MAGI3: variants seen among roughly 807,000 people sequenced by gnomAD.
The protein encoded by MAGI3 is membrane-associated guanylate kinase, WW and PDZ domain-containing protein 3.
In MAGI3, 43 loss-of-function variants were observed where a neutral mutation model predicts 121.8. The ratio of observed to expected loss-of-function variants is 0.35; its 90% confidence interval spans 0.28 to 0.46. The LOEUF is 0.46. Ranked by LOEUF, MAGI3 falls within the 20% of genes least tolerant of loss-of-function variation. The probability of loss-of-function intolerance (pLI) is 1.00; values close to 1 mark genes in which losing one functional copy is unlikely to be tolerated. For synonymous variants in MAGI3, 553 were observed against 639.3 expected, an observed-to-expected ratio of 0.86 and a Z score of 2.04; for missense variants, 1,547 against 1,797.3, an observed-to-expected ratio of 0.86 and a Z score of 2.52.
intron 1 of MAGI3, among the ~76,000 whole-genome samples, chr1:113,483,446 C>G (rs547352270): frequency 1.3e-5 from 2 of 152,292 alleles, no homozygotes; most frequent in East Asian, 1.9e-4. Flanking sequence ...TGATTTCTCT[C>G]TCTGTCCTCT....
At chr1:113,399,906 G>C (rs1229627394) in intron 1 of MAGI3, among the ~76,000 whole-genome samples, 3 of 151,984 alleles carry the variant, frequency 2.0e-5, no homozygotes, top group Non-Finnish European at 2.9e-5. Context: ...TTAAAACAAT[G>C]GTCTTTTTAA....
At chr1:113,528,415 C>A (rs1355772090) in intron 1 of MAGI3, among the ~76,000 whole-genome samples, 1 of 151,710 alleles carries the variant, frequency 6.6e-6, no homozygotes, top group Non-Finnish European at 1.5e-5. Flanking sequence ...TTTGTAATTC[C>A]TATAAACTGG....
At chr1:113,557,719 C>T (rs958390053) in intron 2 of MAGI3, among the ~76,000 whole-genome samples, 3 of 152,184 alleles carry the variant, frequency 2.0e-5, no homozygotes, top group African/African-American at 7.2e-5. Flanking sequence ...AACTCCTTTA[C>T]CAAAAAGCAG....
chr1:113,555,804 G>A (rs1659965465), intron 2 of MAGI3, among the ~76,000 whole-genome samples: 1 of 152,084 alleles, frequency 6.6e-6, no homozygotes, highest in Admixed American at 6.6e-5. Context: ...TCGAGAGGCT[G>A]AGGCAGGAGG....
chr1:113,406,066 A>AT (rs940536725), intron 1 of MAGI3, among the ~76,000 whole-genome samples: 7 of 151,962 alleles, frequency 4.6e-5, no homozygotes, highest in Non-Finnish European at 8.8e-5. Flanking sequence ...TTTACTTTTA[A>AT]TTTGGTGCCC....
At chr1:113,578,303 T>A (rs2101715740) in intron 2 of MAGI3, among the ~76,000 whole-genome samples, 1 of 152,330 alleles carries the variant, frequency 6.6e-6, no homozygotes, top group South Asian at 2.1e-4. Flanking sequence ...CCAGTCCAAA[T>A]TCAAGGGATG....
intron 6 of MAGI3, among the ~76,000 whole-genome samples, chr1:113,612,474 A>T (rs1650215912): frequency 9.3e-3 from 1 of 108 alleles, no homozygotes; most frequent in African/African-American, 0.056. Context: ...GGAGGAAGGA[A>T]AAAAGAATAA....
chr1:113,662,593 A>T (rs1243753895), intron 16 of MAGI3, among the ~76,000 whole-genome samples: 1 of 152,048 alleles, frequency 6.6e-6, no homozygotes, highest in African/African-American at 2.4e-5. Context: ...TTTTGTTTTC[A>T]GTTGATTTAT....
At chr1:113,538,759 T>C (rs992186117) in intron 1 of MAGI3, among the ~76,000 whole-genome samples, 1 of 152,182 alleles carries the variant, frequency 6.6e-6, no homozygotes, top group Non-Finnish European at 1.5e-5. Context: ...TTTTCAAACA[T>C]AGGTTTTAGT....
intron 1 of MAGI3, among the ~76,000 whole-genome samples, chr1:113,531,711 G>T (rs926425474): frequency 7.6e-6 from 1 of 131,338 alleles, no homozygotes; most frequent in Non-Finnish European, 1.6e-5. Flanking sequence ...GTGGTATTGC[G>T]GGGGGTGGGG....
intron 1 of MAGI3, among the ~76,000 whole-genome samples, chr1:113,490,882 T>C (rs1235505228): frequency 2.0e-5 from 3 of 152,186 alleles, no homozygotes; most frequent in Admixed American, 2.0e-4. Flanking sequence ...CTCAGATTCA[T>C]AAAGCAAGTT....
rs1242845823 is a variant in MAGI3, at chr1:113,613,732, A to T, written c.1019-869A>T. On this transcript the variant is annotated intron_variant, in intron 6 of 20. Coordinates refer to ENST00000307546, the MANE Select transcript of MAGI3 (RefSeq NM_001142782.2). Reference sequence around the variant, plus strand: ...TTTGCTCAACTGCTATATAAAATGGATAGGACTAGAACCACCTGCTAGGAA... The same window carrying T: ...TTTGCTCAACTGCTATATAAAATGGTTAGGACTAGAACCACCTGCTAGGAA... Among the ~76,000 whole-genome samples the T allele has an allele frequency of 3.9e-5, 6 of 152,286 alleles. No individual in the cohort carries two copies. The South Asian group carries it at 1.2e-3, about 32-fold the overall frequency.
intron 2 of MAGI3, among the ~76,000 whole-genome samples, chr1:113,578,597 T>A (rs536471463): frequency 1.5e-3 from 223 of 152,178 alleles, no homozygotes; most frequent in African/African-American, 5.2e-3. Flanking sequence ...ATTTTAAAAA[T>A]TTTTTTATAG....
Position 113,683,599 on chromosome 1 carries a change from A to G in MAGI3, c.4031A>G (p.Asn1344Ser), listed in dbSNP as rs375960843. ...SDVIRKDAKQNQLEKSRTRSP... is the reference protein window; with the variant it reads ...SDVIRKDAKQSQLEKSRTRSP... ...GTCATCAGGAAAGATGCAAAGCAGA[A>G]TCAGTTGGAAAAAAGCAGAACAAGG... is the stretch of plus-strand genomic sequence containing the variant. The change falls in exon 21 of 21, where the codon AAT (asparagine) becomes AGT (serine). Residue 1344 changes from asparagine to serine, a missense_variant. By Grantham distance (46) the Asn-to-Ser change is conservative (BLOSUM62 1). Coordinates refer to ENST00000307546, the MANE Select transcript of MAGI3 (RefSeq NM_001142782.2). The G allele has an allele frequency of 1.2e-6, 2 of 1,613,826 alleles. No homozygotes were observed. The highest frequency in any genetic ancestry group is 1.7e-6 in the Non-Finnish European group (2 of 1,179,900).
chr1:113,584,033 A>G (rs543815702), intron 3 of MAGI3, among the ~76,000 whole-genome samples: 71 of 152,206 alleles, frequency 4.7e-4, no homozygotes, highest in Non-Finnish European at 9.8e-4. Flanking sequence ...TTGTCTCAGC[A>G]TTATGGGGAA....
intron 4 of MAGI3, 114 bp from the exon 5 acceptor site, chr1:113,590,370 C>A: frequency 1.0e-6 from 1 of 980,784 alleles, no homozygotes; most frequent in Non-Finnish European, 1.5e-6. Flanking sequence ...ACATAATAGA[C>A]AAGAAATTTG....
At chr1:113,394,732 G>A (rs1023458678) in intron 1 of MAGI3, among the ~76,000 whole-genome samples, 3 of 151,912 alleles carry the variant, frequency 2.0e-5, no homozygotes, top group Non-Finnish European at 2.9e-5. Flanking sequence ...ATTAAGTATC[G>A]GTACAATAAA....
chr1:113,521,352 C>T lies in MAGI3; in HGVS notation c.317-28163C>T, dbSNP rs185401519. Among the ~76,000 whole-genome samples, 659 of 151,390 alleles carry T rather than the reference C, an allele frequency of 4.4e-3. 1 individual carries two copies. Among genetic ancestry groups the T allele is most frequent in the Non-Finnish European group, 6.6e-3 (450 of 67,914 alleles). ...CCACCTGGCTAGGCCTCCCAGAGAG[C>T]TGGGATTACAGGTGTGAGCCACCAC... On this transcript the variant is annotated intron_variant, in intron 1 of 20. Transcript: ENST00000307546.
chr1:113,557,315 C>T (rs1213957326), intron 2 of MAGI3, among the ~76,000 whole-genome samples: 1 of 151,940 alleles, frequency 6.6e-6, no homozygotes, highest in Non-Finnish European at 1.5e-5. Flanking sequence ...GATGGAGTGC[C>T]CCAGGGAGGG....
Sources: allele counts gnomAD v4.1 joint callset (sites outside exome capture counted in the v4.1 genomes callset), GRCh38; gene constraint gnomAD v4.1.1; transcripts MANE v1.5; gene names NCBI Gene and HGNC (gene_info 2026-07-23, HGNC 2026-07-21).